SGO2: variants seen among roughly 807,000 people sequenced by gnomAD.
The protein encoded by SGO2 is shugoshin-like 2.
In SGO2, 68 loss-of-function variants were observed where a neutral mutation model predicts 99.5. That is an observed-to-expected ratio of 0.68 (90% CI 0.56 to 0.84). The LOEUF (loss-of-function observed/expected upper bound fraction) is 0.84. Ranked by LOEUF, SGO2 falls within the 40% of genes least tolerant of loss-of-function variation. SGO2 has a pLI of 0.00. For synonymous variants in SGO2, 457 were observed against 487.1 expected, an observed-to-expected ratio of 0.94 and a Z score of 0.81; for missense variants, 1,350 against 1,436.7, an observed-to-expected ratio of 0.94 and a Z score of 0.97.
chr2:200,556,959 A>G (rs555054140), intron 5 of SGO2, among the ~76,000 whole-genome samples: 1 of 152,282 alleles, frequency 6.6e-6, no homozygotes, highest in African/African-American at 2.4e-5. Flanking sequence ...ACACTGAATC[A>G]AAAGTTCAGG....
chr2:200,534,112 C>T (rs2031572876), intron 2 of SGO2, among the ~76,000 whole-genome samples: 1 of 152,108 alleles, frequency 6.6e-6, no homozygotes, highest in Non-Finnish European at 1.5e-5. Context: ...CCCAAGTTTT[C>T]CCTGAGTACT....
At chr2:200,569,640 A>C in intron 5 of SGO2, 23 bp from the exon 6 acceptor site, 1 of 1,543,356 alleles carries the variant, frequency 6.5e-7, no homozygotes, top group South Asian at 1.2e-5. Flanking sequence ...ATAATTTCTC[A>C]TTTCCTTCCC....
At chr2:200,575,233 G>A in intron 7 of SGO2, 78 bp from the exon 8 acceptor site, 1 of 774,458 alleles carries the variant, frequency 1.3e-6, no homozygotes, top group African/African-American at 1.8e-5. Context: ...GTGATTTGCA[G>A]ACCACTATAT....
In SGO2 at chr2:200,542,589, G is replaced by A. The variant is rs1455247318; in HGVS notation, c.398G>A (p.Ser133Asn). 1.2e-6 allele frequency: 2 copies of A among 1,611,202 alleles called. No individual in the cohort carries two copies. The highest frequency in any genetic ancestry group is 1.7e-6 in the Non-Finnish European group (2 of 1,178,672). The change falls in exon 5 of 9, where the codon AGT (serine) becomes AAT (asparagine). Residue 133 changes from serine to asparagine, a missense_variant. Ser to Asn is a conservative substitution (Grantham distance 46, BLOSUM62 1). Coordinates refer to ENST00000357799, the MANE Select transcript of SGO2 (RefSeq NM_152524.6). ...TTTTTTCAAAAATAGTTCCATCAGAGTTCCTTTCTACTGTCAGCTAGCAAG... is the reference window on the plus strand; with the variant it reads ...TTTTTTCAAAAATAGTTCCATCAGAATTCCTTTCTACTGTCAGCTAGCAAG... The part of the protein sequence containing the change: ...EMSSLSEFHQ[S>N]SFLLSASKKK...
rs904779511 is a variant in SGO2, at chr2:200,542,635, G to A, written c.444G>A (p.Gln148=). ...GCAAGAAGAAACGAATTAGTAAACA[G>A]TGCAAGTTGATGCGTCTTCCATTTG... ...SASKKKRISK[Q]CKLMRLPFAR... is the part of the protein sequence containing the mutation. The change falls in exon 5 of 9, where the codon CAG becomes CAA. Residue 148 remains glutamine (Q), a synonymous_variant. Transcript: ENST00000357799. 6.2e-7 allele frequency: 1 copy of A among 1,613,066 alleles called. No homozygotes were observed.
chr2:200,554,039 C>T (rs1050132036), intron 5 of SGO2, among the ~76,000 whole-genome samples: 1 of 152,128 alleles, frequency 6.6e-6, no homozygotes, highest in African/African-American at 2.4e-5. Context: ...CCAGTTTTTC[C>T]AATTGTGTTC....
At chr2:200,544,280 AGTTT>A (rs1225745417) in intron 5 of SGO2, among the ~76,000 whole-genome samples, 7 of 152,170 alleles carry the variant, frequency 4.6e-5, no homozygotes, top group Admixed American at 3.9e-4. Flanking sequence ...TTGGTTTTCC[AGTTT>A]GTTTGTTTGC....
chr2:200,571,129 A>G lies in SGO2; in HGVS notation c.783A>G (p.Arg261=). 1.9e-6 allele frequency: 3 copies of G among 1,613,606 alleles called. No individual in the cohort carries two copies. The highest frequency in any genetic ancestry group is 2.5e-6 in the Non-Finnish European group (3 of 1,179,632). The change falls in exon 7 of 9, where the codon AGA becomes AGG. Residue 261 remains arginine (R), a synonymous_variant. Transcript: ENST00000357799. ...EMRNAQSIGR[R]WEKPSPSNVT... is the part of the protein sequence containing the mutation. ...GAAACGCCCAGTCTATTGGCCGCAG[A>G]TGGGAGAAACCATCTCCTAGTAATG... is the stretch of plus-strand genomic sequence containing the variant.
At chr2:200,575,853 A>T (rs927445374) in intron 8 of SGO2, among the ~76,000 whole-genome samples, 1 of 152,216 alleles carries the variant, frequency 6.6e-6, no homozygotes, top group African/African-American at 2.4e-5. Context: ...CTCTCAAAGA[A>T]TAACAGTCCT....
chr2:200,573,579 A>C lies in SGO2; in HGVS notation c.3233A>C (p.Lys1078Thr). ...QVKKVNKMTSKSKKRKTSIDP... is the reference protein window; with the variant it reads ...QVKKVNKMTSTSKKRKTSIDP... ...AAAAAGGTAAATAAAATGACATCTAAGTCAAAGAAAAGGAAGACCTCCATA... is the reference window on the plus strand; with the variant it reads ...AAAAAGGTAAATAAAATGACATCTACGTCAAAGAAAAGGAAGACCTCCATA... The change falls in exon 7 of 9, where the codon AAG (lysine) becomes ACG (threonine). Residue 1078 changes from lysine to threonine, a missense_variant. Transcript: ENST00000357799. The C allele has an allele frequency of 6.2e-7, 1 of 1,605,862 alleles. No homozygotes were observed. Among genetic ancestry groups the C allele is most frequent in the South Asian group, 1.1e-5 (1 of 88,754 alleles).
At chr2:200,544,736 T>TATCTATCTATC in intron 5 of SGO2, among the ~76,000 whole-genome samples, 1 of 151,266 alleles carries the variant, frequency 6.6e-6, no homozygotes, top group African/African-American at 2.4e-5. Flanking sequence ...TCTATCTATC[T>TATCTATCTATC]TTGGCTTCAG....
chr2:200,535,077 C>T lies in SGO2; in HGVS notation c.215C>T (p.Ser72Phe), dbSNP rs1269285673. 1 of 1,563,386 alleles carries T rather than the reference C, an allele frequency of 6.4e-7. No homozygotes were observed. The highest frequency in any genetic ancestry group is 1.2e-5 in the South Asian group (1 of 81,592). ...AQALSREKEN[S>F]RRITTEKMLL... ...GCTCTTAGTAGAGAAAAAGAGAATT[C>T]TCGAAGAATTACAACTGAAAAGATG... is the stretch of plus-strand genomic sequence containing the variant. Residue 72 changes from serine (S) to phenylalanine (F), a missense_variant, in exon 3 of 9, where the codon TCT becomes TTT. Coordinates refer to ENST00000357799, the MANE Select transcript of SGO2 (RefSeq NM_152524.6).
At chr2:200,534,774 A>T (rs1574835078) in intron 2 of SGO2, among the ~76,000 whole-genome samples, 5 of 152,180 alleles carry the variant, frequency 3.3e-5, no homozygotes, top group Admixed American at 3.3e-4. Flanking sequence ...CATATTCTGC[A>T]TTCCTCACAA....
chr2:200,580,400 A>T, intron 8 of SGO2: 1 of 301,460 alleles, frequency 3.3e-6, no homozygotes. Flanking sequence ...TACTAATTGG[A>T]TCTATTTTTC....
intron 1 of SGO2, among the ~76,000 whole-genome samples, chr2:200,531,165 G>A (rs942549369): frequency 6.6e-6 from 1 of 152,162 alleles, no homozygotes; most frequent in Non-Finnish European, 1.5e-5. Flanking sequence ...GAACACAGTT[G>A]ATCCCTAACA....
chr2:200,582,844 AAATG>A (rs2033884708), intron 8 of SGO2, among the ~76,000 whole-genome samples: 1 of 152,186 alleles, frequency 6.6e-6, no homozygotes, highest in Non-Finnish European at 1.5e-5. Context: ...AGAGGCTTGA[AAATG>A]AATGAAGATG....
intron 8 of SGO2, 78 bp from the exon 9 acceptor site, chr2:200,583,371 C>G: frequency 2.3e-6 from 3 of 1,277,906 alleles, no homozygotes. Flanking sequence ...TATGATGAAA[C>G]AATTTTCTTC....
chr2:200,564,369 T>C (rs1020780925), intron 5 of SGO2, among the ~76,000 whole-genome samples: 15 of 152,224 alleles, frequency 9.9e-5, no homozygotes, highest in African/African-American at 3.6e-4. Flanking sequence ...AGTTGAGCAG[T>C]TTTGAGTGAG....
At position 200,528,760 on chromosome 2, in the gene SGO2, C is replaced by T. The variant is rs115056930; in HGVS notation, c.-3+2508C>T. ...ATATAAAAGAGATGAGATCCAAGGA[C>T]TGAGATCTGGGGCACTCCAGTGGTA... On this transcript the variant is annotated intron_variant, in intron 1 of 8. Transcript: ENST00000357799. Among the ~76,000 whole-genome samples, 339 of 152,244 alleles carry T rather than the reference C, an allele frequency of 2.2e-3. 2 individuals are homozygous for T. The highest frequency in any genetic ancestry group is 7.8e-3 in the African/African-American group (325 of 41,538).
Sources: gnomAD v4.1 joint callset for allele counts (sites outside exome capture counted in the v4.1 genomes callset) on GRCh38, gnomAD v4.1.1 for gene constraint, MANE v1.5 for transcripts, NCBI Gene and HGNC (gene_info 2026-07-23, HGNC 2026-07-21) for gene names.